Variants in DLGAP2 observed in about 807,000 individuals in gnomAD.
The protein encoded by DLGAP2 is DLG associated protein 2.
Under a neutral mutation model 100.3 loss-of-function variants are expected in DLGAP2, and 26 were observed. That is an observed-to-expected ratio of 0.26 (90% confidence interval 0.19 to 0.36). The LOEUF is 0.36. Ranked by LOEUF, DLGAP2 falls within the 10% of genes least tolerant of loss-of-function variation. DLGAP2 has a pLI of 1.00. For synonymous variants in DLGAP2, 886 were observed against 630.1 expected (o/e 1.41, Z -6.08); for missense variants, 1,858 against 1,453.2 (o/e 1.28, Z -4.53).
chr8:1,457,099 A>G (rs1798337325), intron 3 of DLGAP2, among the ~76,000 whole-genome samples: 1 of 151,864 alleles, frequency 6.6e-6, no homozygotes, highest in African/African-American at 2.4e-5. Context: ...TTGATAAAAG[A>G]CTCCTATTTT....
At chr8:937,653 G>A (rs561623737) in intron 2 of DLGAP2, among the ~76,000 whole-genome samples, 1 of 152,288 alleles carries the variant, frequency 6.6e-6, no homozygotes, top group South Asian at 2.1e-4. Flanking sequence ...GAAGGCAGGG[G>A]CCTTATCTTG....
intron 1 of DLGAP2, among the ~76,000 whole-genome samples, chr8:885,226 A>G (rs1797899689): frequency 6.6e-6 from 1 of 152,156 alleles, no homozygotes; most frequent in Non-Finnish European, 1.5e-5. Context: ...CAGTACGGCC[A>G]TTTTCACAGT....
At chr8:1,659,045 C>T (rs1798349717) in intron 8 of DLGAP2, among the ~76,000 whole-genome samples, 1 of 151,542 alleles carries the variant, frequency 6.6e-6, no homozygotes, top group South Asian at 2.1e-4. Context: ...TGGGACACAG[C>T]TAAAGCATTG....
At chr8:1,293,839 G>T (rs202114023) in intron 3 of DLGAP2, among the ~76,000 whole-genome samples, 1 of 151,862 alleles carries the variant, frequency 6.6e-6, no homozygotes, top group African/African-American at 2.4e-5. Flanking sequence ...CTTTCTATCT[G>T]TTATTCTTAT....
At chr8:1,666,749 C>G (rs1280693190) in intron 8 of DLGAP2, among the ~76,000 whole-genome samples, 1 of 151,994 alleles carries the variant, frequency 6.6e-6, no homozygotes, top group Non-Finnish European at 1.5e-5. Flanking sequence ...ACAGGTCATC[C>G]TGAATGGCAG....
intron 6 of DLGAP2, among the ~76,000 whole-genome samples, chr8:1,568,350 GC>G (rs1204631000): frequency 1.5e-5 from 1 of 67,468 alleles, no homozygotes; most frequent in Admixed American, 1.7e-4. Flanking sequence ...TCTGCCCGTG[GC>G]CCCCATGCCA....
intron 2 of DLGAP2, among the ~76,000 whole-genome samples, chr8:1,090,000 C>T (rs1174114244): frequency 6.6e-6 from 1 of 152,034 alleles, no homozygotes; most frequent in East Asian, 1.9e-4. Context: ...GACCTGTTTC[C>T]TGTTTGCACT....
chr8:763,457 G>A (rs543930136), intron 1 of DLGAP2, among the ~76,000 whole-genome samples: 4 of 152,274 alleles, frequency 2.6e-5, no homozygotes, highest in African/African-American at 9.6e-5. Context: ...TGTTAAAGGA[G>A]GAGAACTTAT....
chr8:1,435,564 TGACA>T (rs1797594712), intron 3 of DLGAP2, among the ~76,000 whole-genome samples: 1 of 152,134 alleles, frequency 6.6e-6, no homozygotes, highest in Non-Finnish European at 1.5e-5. Flanking sequence ...GTGATGGTGC[TGACA>T]GACGACCATG....
chr8:1,653,055 AC>A (rs2130812679), intron 8 of DLGAP2, among the ~76,000 whole-genome samples: 1 of 152,302 alleles, frequency 6.6e-6, no homozygotes, highest in African/African-American at 2.4e-5. Flanking sequence ...TCAGGGTACC[AC>A]TGTAAATGGG....
intron 2 of DLGAP2, among the ~76,000 whole-genome samples, chr8:1,143,243 A>T (rs1796551649): frequency 6.6e-6 from 1 of 152,190 alleles, no homozygotes; most frequent in Non-Finnish European, 1.5e-5. Context: ...GCTGGAAAGG[A>T]CAGAAAGTTC....
intron 2 of DLGAP2, among the ~76,000 whole-genome samples, chr8:1,139,710 AG>A (rs1282166904): frequency 6.6e-6 from 1 of 152,218 alleles, no homozygotes; most frequent in Non-Finnish European, 1.5e-5. Flanking sequence ...GGCACCCGAC[AG>A]GCCCCTGTTA....
In DLGAP2 at chr8:1,444,667, A is replaced by G. The variant is rs142008471; in HGVS notation, c.107-56699A>G. Among the ~76,000 whole-genome samples, 1,131 of 150,222 alleles carry G rather than the reference A, an allele frequency of 7.5e-3. 15 individuals carry two copies. The highest frequency in any genetic ancestry group is 0.026 in the African/African-American group (1,046 of 40,722). Reference sequence around the variant, plus strand: ...TCCCCATTTCCAGGTTGATGGTCCCATGATTTTGACTCAGTGTCACCATCT... The same window carrying G: ...TCCCCATTTCCAGGTTGATGGTCCCGTGATTTTGACTCAGTGTCACCATCT... On this transcript the variant is annotated intron_variant, in intron 3 of 14. Coordinates refer to ENST00000637795, the MANE Select transcript of DLGAP2 (RefSeq NM_001346810.2).
intron 2 of DLGAP2, among the ~76,000 whole-genome samples, chr8:1,218,470 G>A (rs145824592): frequency 6.6e-6 from 1 of 150,474 alleles, no homozygotes; most frequent in Admixed American, 6.6e-5. Flanking sequence ...TGTTGTTGTT[G>A]TTGTTGTTGT....
chr8:970,739 TAATC>T (rs973575921), intron 2 of DLGAP2, among the ~76,000 whole-genome samples: 15 of 152,266 alleles, frequency 9.9e-5, no homozygotes, highest in South Asian at 6.2e-4. Context: ...AAAAATGCCT[TAATC>T]AACTAAATGG....
At chr8:1,662,805 CTG>C (rs754635830) in intron 8 of DLGAP2, among the ~76,000 whole-genome samples, 3 of 146,694 alleles carry the variant, frequency 2.0e-5, no homozygotes, top group Non-Finnish European at 4.5e-5. Context: ...TGAGTGTGGG[CTG>C]TGAGTGTGTG....
intron 2 of DLGAP2, among the ~76,000 whole-genome samples, chr8:1,188,373 C>T (rs1368352308): frequency 3.6e-5 from 5 of 137,402 alleles, no homozygotes; most frequent in East Asian, 2.2e-4. Flanking sequence ...GTTTGCCTCA[C>T]GGAATCTCAC....
At chr8:1,091,710 C>G (rs11774630) in intron 2 of DLGAP2, among the ~76,000 whole-genome samples, 29,028 of 152,064 alleles carry the variant, frequency 0.19, 2,792 homozygotes, top group South Asian at 0.21. Flanking sequence ...GGGTGGACGT[C>G]TGGGTTGTTG....
intron 4 of DLGAP2, among the ~76,000 whole-genome samples, chr8:1,548,413 C>A (rs537960395): frequency 1.3e-3 from 191 of 141,770 alleles, no homozygotes; most frequent in Non-Finnish European, 2.3e-3. Flanking sequence ...GAGCCGTGAT[C>A]GCGCCATTGC....
Sources: gnomAD v4.1 joint callset for allele counts (sites outside exome capture counted in the v4.1 genomes callset) on GRCh38, gnomAD v4.1.1 for gene constraint, MANE v1.5 for transcripts, NCBI Gene and HGNC (gene_info 2026-07-23, HGNC 2026-07-21) for gene names.